The following CEP43 variants were observed in gnomAD, a reference collection of about 807,000 sequenced individuals.
CEP43 encodes the protein centrosomal protein 43.
CEP43 carries 36 observed loss-of-function variants against 52.6 expected under a neutral mutation model. That is an observed-to-expected ratio of 0.68 (90% CI 0.52 to 0.90). The LOEUF (loss-of-function observed/expected upper bound fraction) is 0.90. Ranked by LOEUF, CEP43 falls within the 40% of genes least tolerant of loss-of-function variation. The probability of loss-of-function intolerance (pLI) is 0.00; values close to 1 mark genes in which losing one functional copy is unlikely to be tolerated. For synonymous variants in CEP43, 192 were observed against 172.4 expected (o/e 1.11, Z -0.89); for missense variants, 506 against 472.8 (o/e 1.07, Z -0.65).
At position 167,050,566 on chromosome 6, in the gene CEP43, CAG is replaced by C. The variant is rs1780856098; in HGVS notation, c.*10589_*10590del. The C allele has an allele frequency of 6.6e-6, 1 of 152,172 alleles. No homozygotes were observed. Among genetic ancestry groups the C allele is most frequent in the African/African-American group, 2.4e-5 (1 of 41,428 alleles). 9.4% of individuals were successfully genotyped at this position (152,172 alleles called of 1,614,324 possible). On this transcript the variant is annotated 3_prime_UTR_variant, in exon 13 of 13. Coordinates refer to ENST00000366847, the MANE Select transcript of CEP43 (RefSeq NM_007045.4). ...CCAAGACCAGCAGATCACTTGAGGT[CAG>C]GGGTTCGAGACCAGCGTGGCTAACA...
chr6:167,046,715 C>T lies in CEP43; in HGVS notation c.*6737C>T, dbSNP rs1363578288. The stretch of plus-strand genomic sequence containing the variant: ...TTCTCATGGCCTCTCCAGGGATGGC[C>T]TCCACTGTAGAGACCTATGTCACCA... On this transcript the variant is annotated 3_prime_UTR_variant, in exon 13 of 13. Transcript: ENST00000366847. 6.6e-6 allele frequency: 1 copy of T among 152,280 alleles called. No individual in the cohort carries two copies. Among genetic ancestry groups the T allele is most frequent in the Non-Finnish European group, 1.5e-5 (1 of 68,096 alleles). 9.4% of individuals were successfully genotyped at this position (152,280 alleles called of 1,614,324 possible).
Position 167,003,599 on chromosome 6 carries a change from A to G in CEP43, c.212-124A>G, listed in dbSNP as rs1583266719. On this transcript the variant is annotated intron_variant, in intron 3 of 12. Coordinates refer to ENST00000366847, the MANE Select transcript of CEP43 (RefSeq NM_007045.4). Reference sequence around the variant, plus strand: ...CTTAATCATATTATTCAAAGAGGAAATTTGTAACTTAAAAAATTTAGAAAC... The same window carrying G: ...CTTAATCATATTATTCAAAGAGGAAGTTTGTAACTTAAAAAATTTAGAAAC... 1.5e-5 allele frequency: 9 copies of G among 620,500 alleles called. No individual in the cohort carries two copies. In the East Asian group the frequency reaches 2.5e-4, roughly 17 times the overall value. The allele number at this position is 620,500 out of a possible 1,614,324, so 38.4% of individuals were successfully genotyped here.
intron 7 of CEP43, 110 bp downstream of exon 7, chr6:167,013,677 T>C (rs1318011607): frequency 1.2e-5 from 10 of 863,840 alleles, no homozygotes; most frequent in Non-Finnish European, 7.5e-6. Context: ...AGTTTTCTTA[T>C]GAAATGTCAC....
At chr6:167,024,577 G>A (rs73028283) in intron 8 of CEP43, among the ~76,000 whole-genome samples, 3,085 of 152,218 alleles carry the variant, frequency 0.02, 52 homozygotes, top group East Asian at 0.092. Context: ...GATTTCTTAC[G>A]CCCTGGCTGT....
intron 6 of CEP43, among the ~76,000 whole-genome samples, chr6:167,012,992 A>G (rs1376454593): frequency 6.6e-6 from 1 of 152,170 alleles, no homozygotes; most frequent in Non-Finnish European, 1.5e-5. Flanking sequence ...CTCTAGTACT[A>G]AAGGACCTGG....
chr6:167,041,930 T>C lies in CEP43; in HGVS notation c.*1952T>C. The C allele has an allele frequency of 1.9e-6, 1 of 519,282 alleles. No individual in the cohort carries two copies. Among genetic ancestry groups the C allele is most frequent in the Non-Finnish European group, 2.5e-6 (1 of 398,710 alleles). 32.2% of individuals were successfully genotyped at this position (519,282 alleles called of 1,614,324 possible). On this transcript the variant is annotated 3_prime_UTR_variant, in exon 13 of 13. Transcript: ENST00000366847. ...CCTCCGCCTCCTGGGTTCAAGCGAT[T>C]CTCCTGCTTCAGCCTCCTGAGTAGC...
intron 8 of CEP43, 134 bp downstream of exon 8, chr6:167,022,769 A>AT (rs1167833971): frequency 3.1e-6 from 2 of 655,494 alleles, no homozygotes; most frequent in African/African-American, 3.6e-5. Flanking sequence ...ATGCGTTGTT[A>AT]ATGCCTTTCA....
intron 6 of CEP43, among the ~76,000 whole-genome samples, chr6:167,011,164 A>AT (rs756909665): frequency 5.3e-5 from 8 of 152,328 alleles, no homozygotes; most frequent in Non-Finnish European, 1.2e-4. Context: ...TACTTCGGAC[A>AT]TTTTCTCCTA....
chr6:167,003,189 A>G lies in CEP43; in HGVS notation c.157-4A>G, dbSNP rs899284014. The stretch of plus-strand genomic sequence containing the variant: ...TGACACTTAAATTTTTTTTTTTTTA[A>G]CAGAACAAAACTCCTTTAGTTAATG... On this transcript the variant is annotated splice_polypyrimidine_tract_variant and splice_region_variant and intron_variant, in intron 2 of 12. Transcript: ENST00000366847. 19 of 1,386,104 alleles carry G rather than the reference A, an allele frequency of 1.4e-5. No homozygotes were observed. Among genetic ancestry groups the G allele is most frequent in the South Asian group, 2.7e-5 (2 of 74,728 alleles). The allele number at this position is 1,386,104 out of a possible 1,614,324, so 85.9% of individuals were successfully genotyped here. A position where few individuals can be genotyped will look rare whatever the true frequency, so the allele number is the denominator to read the frequency against.
chr6:167,026,435 T>C (rs1780357294), intron 9 of CEP43, 112 bp from the exon 10 acceptor site: 8 of 709,010 alleles, frequency 1.1e-5, no homozygotes, highest in South Asian at 1.1e-4. Context: ...TTTTAGGTTA[T>C]TATGCTCCTG....
chr6:167,015,875 A>G (rs1780086048), intron 7 of CEP43, among the ~76,000 whole-genome samples: 2 of 152,248 alleles, frequency 1.3e-5, no homozygotes, highest in African/African-American at 4.8e-5. Flanking sequence ...GACAATAAAG[A>G]TAAAAATAAA....
At chr6:167,006,916 T>G (rs1208001578) in intron 5 of CEP43, among the ~76,000 whole-genome samples, 2 of 152,218 alleles carry the variant, frequency 1.3e-5, no homozygotes, top group Non-Finnish European at 2.9e-5. Context: ...TGGAAAAACT[T>G]ACTTTCTTCT....
At chr6:167,016,880 C>T (rs1328319434) in intron 7 of CEP43, among the ~76,000 whole-genome samples, 2 of 151,970 alleles carry the variant, frequency 1.3e-5, no homozygotes, top group African/African-American at 4.8e-5. Context: ...CAGTCAGCCT[C>T]ATATCTGGAG....
At chr6:167,036,537 T>C (rs1323177006) in intron 12 of CEP43, 13 of 985,270 alleles carry the variant, frequency 1.3e-5, no homozygotes, top group South Asian at 4.7e-5. Flanking sequence ...GCATCCCAGG[T>C]TTCTGTTAAT....
Position 167,041,446 on chromosome 6 carries a change from C to G in CEP43, c.*1468C>G. On this transcript the variant is annotated 3_prime_UTR_variant, in exon 13 of 13. Transcript: ENST00000366847. ...GAGCTGCTATCTCAGTCTCCTTCAG[C>G]TCTTCATGTCTTAGTAAACAGCACC... is the stretch of plus-strand genomic sequence containing the variant. 1 of 1,060,012 alleles carries G rather than the reference C, an allele frequency of 9.4e-7. No homozygotes were observed. Among genetic ancestry groups the G allele is most frequent in the East Asian group, 5.1e-5 (1 of 19,442 alleles). 65.7% of individuals were successfully genotyped at this position (1,060,012 alleles called of 1,614,324 possible).
intron 10 of CEP43, chr6:167,028,093 C>CT (rs1487207127): frequency 1.0e-6 from 1 of 985,434 alleles, no homozygotes; most frequent in Non-Finnish European, 1.2e-6. Flanking sequence ...GGCTAACTGC[C>CT]ACCAGAGACT....
intron 7 of CEP43, among the ~76,000 whole-genome samples, chr6:167,018,824 T>G (rs578258355): frequency 6.6e-6 from 1 of 152,318 alleles, no homozygotes; most frequent in South Asian, 2.1e-4. Flanking sequence ...GTACGTAACA[T>G]AAGTTCGTCT....
chr6:167,028,395 G>A (rs942053499), intron 10 of CEP43: 6 of 985,374 alleles, frequency 6.1e-6, no homozygotes, highest in Non-Finnish European at 7.2e-6. Context: ...ATCTCGGGTT[G>A]GAATTGGGGT....
In CEP43 at chr6:167,040,706, T is replaced by G; in HGVS notation, c.*728T>G. The G allele has an allele frequency of 9.8e-7, 1 of 1,018,754 alleles. No homozygotes were observed. The highest frequency in any genetic ancestry group is 1.2e-6 in the Non-Finnish European group (1 of 847,702). The allele number at this position is 1,018,754 out of a possible 1,614,324, so 63.1% of individuals were successfully genotyped here. On this transcript the variant is annotated 3_prime_UTR_variant, in exon 13 of 13. Coordinates refer to ENST00000366847, the MANE Select transcript of CEP43 (RefSeq NM_007045.4). The stretch of plus-strand genomic sequence containing the variant: ...CATGTAAGCAGCTTTAGTCGTAGGT[T>G]CTCTTCATTATAATTTATTATCTGT...
Sources: gnomAD v4.1 joint callset for allele counts (sites outside exome capture counted in the v4.1 genomes callset) on GRCh38, gnomAD v4.1.1 for gene constraint, MANE v1.5 for transcripts, NCBI Gene and HGNC (gene_info 2026-07-23, HGNC 2026-07-21) for gene names.